The following RNF128 variants were observed in gnomAD, a reference collection of about 807,000 sequenced individuals.
RNF128 encodes E3 ubiquitin-protein ligase RNF128.
RNF128 carries 13 observed loss-of-function variants against 26.2 expected under a neutral mutation model. The observed-to-expected ratio is 0.50, with a 90% CI of 0.32 to 0.79. The LOEUF (loss-of-function observed/expected upper bound fraction) is 0.79, where lower values mean the gene tolerates loss of function less well. Among genes scored for constraint, RNF128 ranks in the 30% least tolerant of loss-of-function variants. The pLI is 0.03. For synonymous variants in RNF128, 149 were observed against 142.5 expected, an observed-to-expected ratio of 1.05 and a Z score of -0.32; for missense variants, 315 against 349.7, an observed-to-expected ratio of 0.90 and a Z score of 0.79.
At position 106,788,010 on chromosome X, in the gene RNF128, AT is replaced by A; in HGVS notation, c.887+14del. The stretch of plus-strand genomic sequence containing the variant: ...GCATCTTAACGTGCAAGTAAGTTTG[AT>A]TTTCTTCTATATCTTCAATAAAATA... On this transcript the variant is annotated intron_variant, in intron 4 of 6. Transcript: ENST00000255499. The A allele has an allele frequency of 9.5e-7, 1 of 1,056,016 alleles. No individual in the cohort carries two copies. Among genetic ancestry groups the A allele is most frequent in the African/African-American group, 1.9e-5 (1 of 52,746 alleles). The allele number at this position is 1,056,016 out of a possible 1,213,427, so 87.0% of individuals were successfully genotyped here. A position where few individuals can be genotyped will look rare whatever the true frequency, so the allele number is the denominator to read the frequency against.
At chrX:106,710,967 C>T (rs865774916) in intron 1 of RNF128, among the ~76,000 whole-genome samples, 3 of 111,423 alleles carry the variant, frequency 2.7e-5, no homozygotes, top group Admixed American at 9.6e-5. Context: ...GAACTGTGCA[C>T]AACCCCATTT....
intron 1 of RNF128, among the ~76,000 whole-genome samples, chrX:106,768,803 A>G (rs141216254): frequency 0.017 from 1,869 of 110,819 alleles, 41 homozygotes; most frequent in African/African-American, 0.058. Context: ...TTTAATTGTG[A>G]TATTAGGGTG....
intron 1 of RNF128, among the ~76,000 whole-genome samples, chrX:106,695,671 G>A (rs779275484): frequency 2.1e-4 from 23 of 111,500 alleles, no homozygotes; most frequent in Non-Finnish European, 5.7e-5. Flanking sequence ...GTGTTTTTAC[G>A]AGTGACTTTC....
At chrX:106,706,944 T>A (rs1929052328) in intron 1 of RNF128, among the ~76,000 whole-genome samples, 2 of 111,873 alleles carry the variant, frequency 1.8e-5, no homozygotes, top group African/African-American at 6.5e-5. Context: ...TTTCCCACTT[T>A]AAACTCTTGG....
In RNF128 at chrX:106,796,543, G is replaced by C. The variant is rs1221957162; in HGVS notation, c.*830G>C. On this transcript the variant is annotated 3_prime_UTR_variant, in exon 7 of 7. Coordinates refer to ENST00000255499, the MANE Select transcript of RNF128 (RefSeq NM_194463.2). ...ATGAATTAGTCTACAGAAAAAAAAT[G>C]TTCTGTAAAATTAGTCTGTTGAAAA... The C allele has an allele frequency of 8.9e-6, 1 of 112,119 alleles. No individual in the cohort carries two copies. 9.2% of individuals were successfully genotyped at this position (112,119 alleles called of 1,213,427 possible).
In RNF128 at chrX:106,726,876, G is replaced by T. The variant is rs894727813; in HGVS notation, c.-38G>T. On this transcript the variant is annotated 5_prime_UTR_variant, in exon 1 of 7. Transcript: ENST00000255499. ...GTCCTGCCAAGCGCTAGGAGGGCGC[G>T]TGCCAGGGGCGCTAGGGAACTGCGG... 4 of 1,135,645 alleles carry T rather than the reference G, an allele frequency of 3.5e-6. No homozygotes were observed. In the African/African-American group the frequency reaches 7.2e-5, roughly 20 times the overall value. The allele number at this position is 1,135,645 out of a possible 1,213,427, so 93.6% of individuals were successfully genotyped here.
intron 1 of RNF128, among the ~76,000 whole-genome samples, chrX:106,766,031 C>T (rs1196299058): frequency 9.0e-6 from 1 of 110,945 alleles, no homozygotes; most frequent in Non-Finnish European, 1.9e-5. Context: ...ATCCATGTCC[C>T]TACAAAGACA....
At chrX:106,781,913 T>C (rs766153926) in intron 2 of RNF128, among the ~76,000 whole-genome samples, 28 of 112,055 alleles carry the variant, frequency 2.5e-4, no homozygotes, top group African/African-American at 7.4e-4. Context: ...ATGCAAGTTC[T>C]ACTGTTCTCC....
At position 106,726,810 on chromosome X, in the gene RNF128, C is replaced by T; in HGVS notation, c.-104C>T. ...TAGCTCGCAGCTCCCCAGTCTCACT[C>T]CATTCCTTCCCCACCTGGCGCGCAC... On this transcript the variant is annotated 5_prime_UTR_variant, in exon 1 of 7. Coordinates refer to ENST00000255499, the MANE Select transcript of RNF128 (RefSeq NM_194463.2). The T allele has an allele frequency of 9.2e-7, 1 of 1,087,128 alleles. No homozygotes were observed. Among genetic ancestry groups the T allele is most frequent in the Non-Finnish European group, 1.2e-6 (1 of 841,781 alleles). The allele number at this position is 1,087,128 out of a possible 1,213,427, so 89.6% of individuals were successfully genotyped here. A position where few individuals can be genotyped will look rare whatever the true frequency, so the allele number is the denominator to read the frequency against.
At chrX:106,788,852 TATATATTATATATTATATAATGTATA>T (rs1248288693) in intron 4 of RNF128, among the ~76,000 whole-genome samples, 1 of 71,267 alleles carries the variant, frequency 1.4e-5, no homozygotes, top group African/African-American at 5.7e-5. Context: ...TAATATGTAT[TATATATTATATATTATATAATGTATA>T]ATATATTATA....
At chrX:106,729,016 A>C (rs1305113183) in intron 1 of RNF128, among the ~76,000 whole-genome samples, 3 of 112,194 alleles carry the variant, frequency 2.7e-5, no homozygotes, top group Non-Finnish European at 5.6e-5. Context: ...TGACTGTCTA[A>C]TAGCAAGGGT....
intron 1 of RNF128, among the ~76,000 whole-genome samples, chrX:106,751,998 G>C (rs1929899083): frequency 9.1e-6 from 1 of 109,603 alleles, no homozygotes; most frequent in African/African-American, 3.3e-5. Context: ...AAAGTAAAAA[G>C]GACTTCACCT....
At chrX:106,729,330 A>T (rs748583455) in intron 1 of RNF128, among the ~76,000 whole-genome samples, 2 of 111,180 alleles carry the variant, frequency 1.8e-5, no homozygotes, top group Non-Finnish European at 3.8e-5. Context: ...CCTTGGTAGG[A>T]TTATTTAACT....
chrX:106,790,049 A>G, intron 4 of RNF128, 137 bp from the exon 5 acceptor site: 1 of 367,402 alleles, frequency 2.7e-6, no homozygotes, highest in Non-Finnish European at 4.8e-6. Context: ...TGACTCCTTC[A>G]TTTTATGAAT....
chrX:106,746,787 A>G (rs73531107), intron 1 of RNF128, among the ~76,000 whole-genome samples: 3,017 of 111,526 alleles, frequency 0.027, 98 homozygotes, highest in African/African-American at 0.093. Flanking sequence ...CTTAATTGCT[A>G]CCTATTTCTA....
chrX:106,766,002 A>G (rs754758518), intron 1 of RNF128, among the ~76,000 whole-genome samples: 32 of 109,737 alleles, frequency 2.9e-4, no homozygotes, highest in South Asian at 4.0e-4. Context: ...GTTTGCTCAG[A>G]ATGATGGTTT....
Position 106,795,702 on chromosome X carries a change from A to T in RNF128, c.1276A>T (p.Ile426Phe). 1 of 1,198,005 alleles carries T rather than the reference A, an allele frequency of 8.3e-7. No homozygotes were observed. The highest frequency in any genetic ancestry group is 1.1e-6 in the Non-Finnish European group (1 of 889,108). The change falls in exon 7 of 7, where the codon ATT becomes TTT. Residue 426 changes from isoleucine (I) to phenylalanine (F), a missense_variant. Physicochemically the swap from Ile to Phe is conservative, Grantham distance 21. Coordinates refer to ENST00000255499, the MANE Select transcript of RNF128 (RefSeq NM_194463.2). ...TAATCAAGAGACTGCTGTTCGAGAA[A>T]TTAAATCTTAAAATCTGTGTAAATA... is the stretch of plus-strand genomic sequence containing the variant. The part of the protein sequence containing the change: ...TPNQETAVRE[I>F]KS
At chrX:106,696,996 T>C (rs748273121) in intron 1 of RNF128, among the ~76,000 whole-genome samples, 6 of 111,417 alleles carry the variant, frequency 5.4e-5, no homozygotes, top group Admixed American at 9.6e-5. Flanking sequence ...TTGCTTGAGA[T>C]TGAAGGTTTC....
At chrX:106,724,190 CCTT>C (rs746136715), upstream of RNF128, among the ~76,000 whole-genome samples, 2 of 111,346 alleles carry the variant, frequency 1.8e-5, no homozygotes, top group African/African-American at 3.3e-5. Flanking sequence ...TCTAACTCCT[CCTT>C]CTCTTTCATC....
Sources: allele counts gnomAD v4.1 joint callset (sites outside exome capture counted in the v4.1 genomes callset), GRCh38; gene constraint gnomAD v4.1.1; transcripts MANE v1.5; gene names NCBI Gene and HGNC (gene_info 2026-07-23, HGNC 2026-07-21).